FRMD5: variants seen among roughly 807,000 people sequenced by gnomAD.
FRMD5 encodes the protein FERM domain-containing protein 5.
FRMD5 carries 20 observed loss-of-function variants against 69.0 expected under a neutral mutation model. The observed-to-expected ratio is 0.29, with a 90% CI of 0.20 to 0.42. FRMD5 has a LOEUF of 0.42. Ranked by LOEUF, FRMD5 falls within the 10% of genes least tolerant of loss-of-function variation. FRMD5 has a pLI of 1.00. For synonymous variants in FRMD5, 271 were observed against 260.1 expected (o/e 1.04, Z -0.40); for missense variants, 595 against 708.6 (o/e 0.84, Z 1.82).
intron 1 of FRMD5, among the ~76,000 whole-genome samples, chr15:43,953,182 C>A (rs1323762336): frequency 1.3e-5 from 2 of 152,232 alleles, no homozygotes; most frequent in Non-Finnish European, 2.9e-5. Context: ...TGAAGGAATT[C>A]AGTCAGAAGG....
At chr15:44,168,134 G>T (rs973675741) in intron 1 of FRMD5, among the ~76,000 whole-genome samples, 1 of 152,144 alleles carries the variant, frequency 6.6e-6, no homozygotes, top group Admixed American at 6.5e-5. Context: ...ACAACCGTTA[G>T]AATAAATCAA....
At chr15:44,075,370 A>G (rs532337851) in intron 1 of FRMD5, among the ~76,000 whole-genome samples, 13 of 152,200 alleles carry the variant, frequency 8.5e-5, no homozygotes, top group Admixed American at 2.6e-4. Flanking sequence ...AGACTGCTCA[A>G]CTCTTGAACA....
chr15:44,121,735 C>A (rs2076954624), intron 1 of FRMD5, among the ~76,000 whole-genome samples: 1 of 151,944 alleles, frequency 6.6e-6, no homozygotes, highest in Non-Finnish European at 1.5e-5. Flanking sequence ...TGGCTCACAC[C>A]TTTAATCCCA....
chr15:44,046,136 G>T (rs928608640), intron 1 of FRMD5, among the ~76,000 whole-genome samples: 2 of 152,116 alleles, frequency 1.3e-5, no homozygotes, highest in African/African-American at 4.8e-5. Flanking sequence ...ATTCCTGAAT[G>T]AATGAATGAA....
intron 1 of FRMD5, among the ~76,000 whole-genome samples, chr15:44,066,826 A>C (rs554323600): frequency 6.6e-6 from 1 of 152,288 alleles, no homozygotes; most frequent in African/African-American, 2.4e-5. Context: ...TGCTCTTTCA[A>C]GATTAAAAGT....
At chr15:44,183,077 C>T (rs1006548457) in intron 1 of FRMD5, among the ~76,000 whole-genome samples, 17 of 152,042 alleles carry the variant, frequency 1.1e-4, no homozygotes, top group African/African-American at 3.6e-4. Flanking sequence ...GGATTACAGG[C>T]GTTAGCCACT....
chr15:43,880,245 A>C (rs1308147938), intron 13 of FRMD5, among the ~76,000 whole-genome samples: 1 of 152,180 alleles, frequency 6.6e-6, no homozygotes, highest in African/African-American at 2.4e-5. Context: ...AAATGGGCCA[A>C]ATGGACTATA....
chr15:43,945,926 T>C (rs2089939504), intron 1 of FRMD5, among the ~76,000 whole-genome samples: 1 of 152,036 alleles, frequency 6.6e-6, no homozygotes. Flanking sequence ...CATGGTGGCA[T>C]GTGCCTGTAA....
intron 1 of FRMD5, among the ~76,000 whole-genome samples, chr15:44,114,535 G>A (rs2076842685): frequency 6.6e-6 from 1 of 152,098 alleles, no homozygotes; most frequent in African/African-American, 2.4e-5. Flanking sequence ...CCTCTTTCTA[G>A]CTTCAACATT....
chr15:43,893,394 TG>T (rs2088841031), intron 7 of FRMD5, among the ~76,000 whole-genome samples: 4 of 152,118 alleles, frequency 2.6e-5, no homozygotes, highest in Admixed American at 2.6e-4. Flanking sequence ...TTGAACATAG[TG>T]GGGAGCGGGC....
chr15:43,941,062 T>C (rs1159738174), intron 1 of FRMD5, among the ~76,000 whole-genome samples: 2 of 152,190 alleles, frequency 1.3e-5, no homozygotes, highest in Non-Finnish European at 2.9e-5. Context: ...TGAAGTCAAT[T>C]ATCAAAGCAT....
At chr15:44,152,106 A>T (rs6493097) in intron 1 of FRMD5, among the ~76,000 whole-genome samples, 2,476 of 152,286 alleles carry the variant, frequency 0.016, 67 homozygotes, top group East Asian at 0.051. Context: ...GCTACTCAGG[A>T]GGCTGAGGCA....
intron 1 of FRMD5, among the ~76,000 whole-genome samples, chr15:44,009,683 A>G (rs1320171129): frequency 6.6e-6 from 1 of 152,188 alleles, no homozygotes; most frequent in Non-Finnish European, 1.5e-5. Context: ...TGTTTGAAAA[A>G]AAAATCCACT....
intron 1 of FRMD5, among the ~76,000 whole-genome samples, chr15:44,029,363 C>T (rs1161765310): frequency 6.6e-6 from 1 of 151,414 alleles, no homozygotes; most frequent in Non-Finnish European, 1.5e-5. Flanking sequence ...TGCAGGATTT[C>T]GACCTTGCAG....
chr15:44,105,957 A>G (rs1364601077), intron 1 of FRMD5, among the ~76,000 whole-genome samples: 3 of 152,200 alleles, frequency 2.0e-5, no homozygotes, highest in Non-Finnish European at 4.4e-5. Context: ...CATATAAGCT[A>G]GCACGTCCTC....
intron 4 of FRMD5, among the ~76,000 whole-genome samples, chr15:43,910,273 A>C (rs1176506342): frequency 6.6e-6 from 1 of 152,102 alleles, no homozygotes; most frequent in Non-Finnish European, 1.5e-5. Flanking sequence ...TGAGCTTTGG[A>C]AGGAGCCAGC....
At position 43,873,741 on chromosome 15, in the gene FRMD5, C is replaced by T. The variant is rs1036547206; in HGVS notation, c.*144G>A. The T allele has an allele frequency of 6.6e-7, 1 of 1,520,478 alleles. No homozygotes were observed. Among genetic ancestry groups the T allele is most frequent in the African/African-American group, 1.4e-5 (1 of 71,572 alleles). 94.2% of individuals were successfully genotyped at this position (1,520,478 alleles called of 1,614,324 possible). Reference sequence around the variant, plus strand: ...TATCCCTTTCTTCTTCTGGGAAACACCCTCCTAGGCTGCAGTGGACTTTGA... The same window carrying T: ...TATCCCTTTCTTCTTCTGGGAAACATCCTCCTAGGCTGCAGTGGACTTTGA... On this transcript the variant is annotated 3_prime_UTR_variant, in exon 14 of 14. Coordinates refer to ENST00000417257, the MANE Select transcript of FRMD5 (RefSeq NM_032892.5).
intron 1 of FRMD5, among the ~76,000 whole-genome samples, chr15:44,105,740 T>A (rs1186497021): frequency 3.3e-5 from 5 of 152,184 alleles, no homozygotes; most frequent in Non-Finnish European, 1.5e-5. Context: ...TTTAAAAAAA[T>A]GGACCTATTT....
Position 43,995,818 on chromosome 15 carries a change from G to A in FRMD5, c.103-71509C>T, listed in dbSNP as rs1400209619. On this transcript the variant is annotated intron_variant, in intron 1 of 13. Coordinates refer to ENST00000417257, the MANE Select transcript of FRMD5 (RefSeq NM_032892.5). ...TTTTTGAGGGCTAATGTAGGTCCTG[G>A]AGCCGTGAGAGCCAGCTTGGAACCT... is the stretch of plus-strand genomic sequence containing the variant. Among the ~76,000 whole-genome samples the A allele has an allele frequency of 4.6e-5, 7 of 152,210 alleles. No homozygotes were observed. The East Asian group carries it at 1.4e-3, about 30-fold the overall frequency.
Sources: gnomAD v4.1 joint callset for allele counts (sites outside exome capture counted in the v4.1 genomes callset) on GRCh38, gnomAD v4.1.1 for gene constraint, MANE v1.5 for transcripts, NCBI Gene and HGNC (gene_info 2026-07-23, HGNC 2026-07-21) for gene names.